SAMD4A: variants seen among roughly 807,000 people sequenced by gnomAD.
SAMD4A encodes sterile alpha motif domain containing 4A.
Under a neutral mutation model 81.3 loss-of-function variants are expected in SAMD4A, and 33 were observed. The ratio of observed to expected loss-of-function variants is 0.41; its 90% CI spans 0.31 to 0.54. The LOEUF (loss-of-function observed/expected upper bound fraction) is 0.54, where lower values mean the gene tolerates loss of function less well. Ranked by LOEUF, SAMD4A falls within the 20% of genes least tolerant of loss-of-function variation. The probability of loss-of-function intolerance (pLI) is 0.37; values close to 1 mark genes in which losing one functional copy is unlikely to be tolerated. For synonymous variants in SAMD4A, 389 were observed against 382.1 expected (o/e 1.02, Z -0.21); for missense variants, 854 against 951.1 (o/e 0.90, Z 1.34).
intron 2 of SAMD4A, among the ~76,000 whole-genome samples, chr14:54,640,586 G>A (rs1168353037): frequency 6.6e-6 from 1 of 152,162 alleles, no homozygotes; most frequent in Non-Finnish European, 1.5e-5. Context: ...TTCATTAGCA[G>A]TCTGGTGGTA....
Position 54,731,229 on chromosome 14 carries a change from T to G in SAMD4A, c.716-5795T>G, listed in dbSNP as rs76461649. On this transcript the variant is annotated intron_variant, in intron 3 of 12. Coordinates refer to ENST00000554335, the MANE Select transcript of SAMD4A (RefSeq NM_015589.6). ...TGAGCTTTTTCTTCTTTAGACTTGA[T>G]AAGTATCAAACTATCTCCTGCAGCA... is the stretch of plus-strand genomic sequence containing the variant. Among the ~76,000 whole-genome samples the G allele has an allele frequency of 6.1e-4, 93 of 152,372 alleles. No homozygotes were observed. The East Asian group carries it at 0.012, about 19-fold the overall frequency.
intron 2 of SAMD4A, among the ~76,000 whole-genome samples, chr14:54,643,994 C>T (rs2035231486): frequency 3.3e-5 from 5 of 152,168 alleles, no homozygotes; most frequent in Admixed American, 3.3e-4. Context: ...AGAACAAATG[C>T]TTATTGCGGA....
intron 3 of SAMD4A, among the ~76,000 whole-genome samples, chr14:54,718,670 C>A (rs1210817362): frequency 1.3e-5 from 2 of 152,100 alleles, no homozygotes; most frequent in African/African-American, 4.8e-5. Context: ...ATGACACAGA[C>A]TGAGAGAAAC....
chr14:54,605,543 G>T (rs559475843), intron 2 of SAMD4A, among the ~76,000 whole-genome samples: 1 of 152,272 alleles, frequency 6.6e-6, no homozygotes, highest in East Asian at 1.9e-4. Context: ...TTTAAAATGA[G>T]CAGGGAAACC....
chr14:54,767,177 C>T (rs1310912814), intron 8 of SAMD4A, among the ~76,000 whole-genome samples: 2 of 152,182 alleles, frequency 1.3e-5, no homozygotes, highest in African/African-American at 4.8e-5. Context: ...TCCACAGCCT[C>T]CGGTTATTCT....
intron 2 of SAMD4A, among the ~76,000 whole-genome samples, chr14:54,678,623 A>G (rs565565466): frequency 7.0e-6 from 1 of 142,776 alleles, no homozygotes; most frequent in African/African-American, 2.9e-5. Context: ...ATCACGGCTC[A>G]CTGCAAGCTC....
intron 2 of SAMD4A, among the ~76,000 whole-genome samples, chr14:54,636,486 C>T (rs2035038619): frequency 1.3e-5 from 2 of 152,136 alleles, no homozygotes; most frequent in South Asian, 4.1e-4. Flanking sequence ...CTGACTTATA[C>T]TTTAAAAAGA....
intron 2 of SAMD4A, among the ~76,000 whole-genome samples, chr14:54,582,529 C>G (rs1176928135): frequency 6.6e-6 from 1 of 152,160 alleles, no homozygotes; most frequent in African/African-American, 2.4e-5. Context: ...ATTTAGCACA[C>G]TGGATTGACA....
intron 3 of SAMD4A, among the ~76,000 whole-genome samples, chr14:54,723,360 T>G (rs1360039952): frequency 6.6e-6 from 1 of 152,190 alleles, no homozygotes; most frequent in Non-Finnish European, 1.5e-5. Context: ...CTCAGAGCCA[T>G]GAATTGTAAA....
chr14:54,599,873 G>A (rs904648747), intron 2 of SAMD4A, among the ~76,000 whole-genome samples: 4 of 152,122 alleles, frequency 2.6e-5, no homozygotes, highest in East Asian at 1.9e-4. Context: ...TTAAACCTCT[G>A]TTCCTCTTTT....
At chr14:54,594,492 A>G (rs1369606434) in intron 2 of SAMD4A, among the ~76,000 whole-genome samples, 2 of 152,354 alleles carry the variant, frequency 1.3e-5, no homozygotes, top group African/African-American at 2.4e-5. Context: ...CCTTTGAAGT[A>G]TACAGACCAC....
Position 54,792,176 on chromosome 14 carries a change from CT to C in SAMD4A, c.*3237del, listed in dbSNP as rs953784970. 2.7e-4 allele frequency: 41 copies of C among 152,304 alleles called. 1 individual carries two copies. Among genetic ancestry groups the C allele is most frequent in the African/African-American group, 8.9e-4 (37 of 41,560 alleles). 9.4% of individuals were successfully genotyped at this position (152,304 alleles called of 1,614,324 possible). A position where few individuals can be genotyped will look rare whatever the true frequency, so the allele number is the denominator to read the frequency against. ...TTTTTCACATGCTTTTGAGTTTTCA[CT>C]TTTTAAACGAGAGCCAGCAAGCAAA... On this transcript the variant is annotated 3_prime_UTR_variant, in exon 13 of 13. Transcript: ENST00000554335.
intron 3 of SAMD4A, among the ~76,000 whole-genome samples, chr14:54,711,100 T>A (rs1160231628): frequency 6.6e-6 from 1 of 152,184 alleles, no homozygotes; most frequent in Admixed American, 6.5e-5. Context: ...TGCTGAACAG[T>A]AGGGACTTAA....
At chr14:54,658,820 A>C (rs907421441) in intron 2 of SAMD4A, among the ~76,000 whole-genome samples, 1 of 152,210 alleles carries the variant, frequency 6.6e-6, no homozygotes, top group Non-Finnish European at 1.5e-5. Flanking sequence ...ACCCTCTTGC[A>C]TAGCCTCGTA....
chr14:54,589,466 A>G (rs573519161), intron 2 of SAMD4A, among the ~76,000 whole-genome samples: 6 of 152,328 alleles, frequency 3.9e-5, no homozygotes, highest in Admixed American at 3.3e-4. Context: ...TAGCAATATA[A>G]GTAGCAAGAC....
At chr14:54,662,635 G>A (rs759167377) in intron 2 of SAMD4A, among the ~76,000 whole-genome samples, 8 of 151,796 alleles carry the variant, frequency 5.3e-5, no homozygotes, top group Non-Finnish European at 1.0e-4. Context: ...AGCTGTTCTT[G>A]AACTCCTGAC....
At chr14:54,666,977 T>A (rs996395152) in intron 2 of SAMD4A, among the ~76,000 whole-genome samples, 24 of 152,130 alleles carry the variant, frequency 1.6e-4, no homozygotes, top group Non-Finnish European at 4.4e-5. Flanking sequence ...TTGAGCAGAA[T>A]GACAATATTT....
intron 2 of SAMD4A, among the ~76,000 whole-genome samples, chr14:54,646,010 C>T (rs930819179): frequency 6.6e-6 from 1 of 152,198 alleles, no homozygotes; most frequent in Non-Finnish European, 1.5e-5. Context: ...GTGGTTATTT[C>T]ATCTCTCATT....
In SAMD4A at chr14:54,793,161, ATGT is replaced by A. The variant is rs1594952812; in HGVS notation, c.*4222_*4224del. On this transcript the variant is annotated 3_prime_UTR_variant, in exon 13 of 13. Coordinates refer to ENST00000554335, the MANE Select transcript of SAMD4A (RefSeq NM_015589.6). ...TTCTTTGCAAGTGTACAGTTTTCAA[ATGT>A]TGTTACCAGTGAAACACCCTTGTGG... 3 of 152,236 alleles carry A rather than the reference ATGT, an allele frequency of 2.0e-5. No individual in the cohort carries two copies. The highest frequency in any genetic ancestry group is 3.8e-4 in the East Asian group (2 of 5,204). 9.4% of individuals were successfully genotyped at this position (152,236 alleles called of 1,614,324 possible). A position where few individuals can be genotyped will look rare whatever the true frequency, so the allele number is the denominator to read the frequency against.
Sources: gnomAD v4.1 joint callset for allele counts (sites outside exome capture counted in the v4.1 genomes callset) on GRCh38, gnomAD v4.1.1 for gene constraint, MANE v1.5 for transcripts, NCBI Gene and HGNC (gene_info 2026-07-23, HGNC 2026-07-21) for gene names.